The following HCN1 variants were observed in gnomAD, a reference collection of about 807,000 sequenced individuals.
The protein encoded by HCN1 is hyperpolarization activated cyclic nucleotide gated potassium channel 1, also known as potassium/sodium hyperpolarization-activated cyclic nucleotide-gated channel 1.
Under a neutral mutation model 78.9 loss-of-function variants are expected in HCN1, and 13 were observed. The observed-to-expected ratio is 0.16, with a 90% CI of 0.11 to 0.26. HCN1 has a LOEUF of 0.26. Among genes scored for constraint, HCN1 ranks in the 10% least tolerant of loss-of-function variants. HCN1 has a pLI of 1.00. For synonymous variants in HCN1, 552 were observed against 455.5 expected, an observed-to-expected ratio of 1.21 and a Z score of -2.70; for missense variants, 810 against 1,154.3, an observed-to-expected ratio of 0.70 and a Z score of 4.32.
At chr5:45,406,157 C>T (rs1303829986) in intron 3 of HCN1, among the ~76,000 whole-genome samples, 4 of 151,872 alleles carry the variant, frequency 2.6e-5, no homozygotes, top group African/African-American at 9.7e-5. Context: ...AAAACAGGCC[C>T]CAAATTTGAC....
At chr5:45,387,966 T>G (rs978345818) in intron 4 of HCN1, among the ~76,000 whole-genome samples, 11 of 152,170 alleles carry the variant, frequency 7.2e-5, no homozygotes, top group African/African-American at 1.7e-4. Flanking sequence ...AACTTTCCAT[T>G]TGATATTTTT....
At chr5:45,652,318 T>C (rs750581582) in intron 1 of HCN1, among the ~76,000 whole-genome samples, 2 of 151,878 alleles carry the variant, frequency 1.3e-5, no homozygotes, top group Non-Finnish European at 1.5e-5. Flanking sequence ...CTTGAAACTC[T>C]CCCAAAGCTT....
At chr5:45,614,553 A>G (rs1173621371) in intron 2 of HCN1, among the ~76,000 whole-genome samples, 1 of 152,088 alleles carries the variant, frequency 6.6e-6, no homozygotes, top group Non-Finnish European at 1.5e-5. Context: ...AAGTTACCTC[A>G]GGCTTTTTTG....
chr5:45,622,369 C>T (rs1020303728), intron 2 of HCN1, among the ~76,000 whole-genome samples: 4 of 152,130 alleles, frequency 2.6e-5, no homozygotes, highest in Non-Finnish European at 4.4e-5. Flanking sequence ...GCTTTAAAAA[C>T]TGTTGCTCAC....
intron 5 of HCN1, among the ~76,000 whole-genome samples, chr5:45,317,897 T>G (rs1332129307): frequency 4.6e-5 from 7 of 152,084 alleles, no homozygotes; most frequent in Non-Finnish European, 8.8e-5. Context: ...ATGGCGATCA[T>G]TAAAAAGTCA....
chr5:45,657,888 T>C (rs1442126060), intron 1 of HCN1, among the ~76,000 whole-genome samples: 1 of 152,202 alleles, frequency 6.6e-6, no homozygotes, highest in Admixed American at 6.5e-5. Flanking sequence ...TGGAAAAAAC[T>C]ACTTTAAAGT....
Position 45,613,823 on chromosome 5 carries a change from A to G in HCN1, c.849+31362T>C, listed in dbSNP as rs183017770. ...GTAAAATTAGAAAAAAAAACTTGCC[A>G]TATCAATAGTCATCACCAAATTAGT... On this transcript the variant is annotated intron_variant, in intron 2 of 7. Transcript: ENST00000303230. Among the ~76,000 whole-genome samples, 5 of 152,270 alleles carry G rather than the reference A, an allele frequency of 3.3e-5. No homozygotes were observed. The South Asian group carries it at 1.0e-3, about 32-fold the overall frequency.
chr5:45,483,620 T>A (rs1259650597), intron 2 of HCN1, among the ~76,000 whole-genome samples: 2 of 152,172 alleles, frequency 1.3e-5, no homozygotes, highest in Non-Finnish European at 2.9e-5. Flanking sequence ...AGCTCTTTAG[T>A]TTAATTAGGT....
intron 4 of HCN1, among the ~76,000 whole-genome samples, chr5:45,376,813 T>C (rs986408473): frequency 6.6e-6 from 1 of 151,980 alleles, no homozygotes; most frequent in Non-Finnish European, 1.5e-5. Flanking sequence ...TTCTGTGAAT[T>C]ATCTGTCATA....
chr5:45,614,436 G>C (rs934495676), intron 2 of HCN1, among the ~76,000 whole-genome samples: 1 of 152,070 alleles, frequency 6.6e-6, no homozygotes, highest in South Asian at 2.1e-4. Flanking sequence ...TTGTAATGCT[G>C]GTGGCAGGTC....
chr5:45,694,787 G>A (rs1004231230), intron 1 of HCN1, among the ~76,000 whole-genome samples: 1 of 152,170 alleles, frequency 6.6e-6, no homozygotes. Context: ...ATCACCGAAC[G>A]AATACTTGAG....
At chr5:45,291,628 T>G (rs6876408) in intron 6 of HCN1, among the ~76,000 whole-genome samples, 7,018 of 152,094 alleles carry the variant, frequency 0.046, 574 homozygotes, top group African/African-American at 0.16. Flanking sequence ...CGTTGCAACC[T>G]CCATCTCCTC....
At chr5:45,263,841 G>A (rs553925851) in intron 7 of HCN1, among the ~76,000 whole-genome samples, 1 of 152,186 alleles carries the variant, frequency 6.6e-6, no homozygotes, top group Non-Finnish European at 1.5e-5. Context: ...TGCCCAGGCT[G>A]GAGTTGCAGT....
Position 45,346,795 on chromosome 5 carries a change from A to G in HCN1, c.1377+6305T>C, listed in dbSNP as rs187712568. Reference sequence around the variant, plus strand: ...GCAATCTGAGATCAAACTGCAAGGCAGCAGCGAGGCTGCGGGAGGGGCACC... The same window carrying G: ...GCAATCTGAGATCAAACTGCAAGGCGGCAGCGAGGCTGCGGGAGGGGCACC... On this transcript the variant is annotated intron_variant, in intron 5 of 7. Coordinates refer to ENST00000303230, the MANE Select transcript of HCN1 (RefSeq NM_021072.4). 7.1e-4 allele frequency among the ~76,000 whole-genome samples: 108 copies of G among 152,342 alleles called. 1 individual carries two copies. In the East Asian group the frequency reaches 0.012, roughly 17 times the overall value.
Position 45,527,283 on chromosome 5 carries a change from T to C in HCN1, c.850-65276A>G, listed in dbSNP as rs1177099507. Among the ~76,000 whole-genome samples, 2 of 137,210 alleles carry C rather than the reference T, an allele frequency of 1.5e-5. 1 individual carries two copies. Among genetic ancestry groups the C allele is most frequent in the African/African-American group, 5.5e-5 (2 of 36,568 alleles). The allele number at this position is 137,210 out of a possible 152,430, so 90.0% of individuals were successfully genotyped here. ...TGCATGGCGTATAGTACAGAGTCAA[T>C]AAATGTTTAGTGGTTTAAATTTCTG... On this transcript the variant is annotated intron_variant, in intron 2 of 7. Coordinates refer to ENST00000303230, the MANE Select transcript of HCN1 (RefSeq NM_021072.4).
chr5:45,563,211 A>G (rs1246182267), intron 2 of HCN1, among the ~76,000 whole-genome samples: 1 of 152,150 alleles, frequency 6.6e-6, no homozygotes, highest in African/African-American at 2.4e-5. Context: ...GCACTTTGGG[A>G]GGCCGAGGTG....
intron 3 of HCN1, among the ~76,000 whole-genome samples, chr5:45,417,960 T>G (rs1309467652): frequency 6.6e-6 from 1 of 151,840 alleles, no homozygotes; most frequent in Non-Finnish European, 1.5e-5. Flanking sequence ...ATATATATTT[T>G]TACAAAGTAA....
At position 45,695,868 on chromosome 5, in the gene HCN1, C is replaced by CGCCG; in HGVS notation, c.225_226insCGGC (p.Glu76ArgfsTer54). On this transcript the variant is annotated frameshift_variant, in exon 1 of 8. Transcript: ENST00000303230. LOFTEE classifies it high-confidence loss of function. ...GCGTCTTCGAAGCCCCCCGCCGGCT[C>CGCCG]CTCGCCGCCGCCGCCGCCGCCGCCA... The CGCCG allele has an allele frequency of 6.3e-7, 1 of 1,575,232 alleles. No individual in the cohort carries two copies.
chr5:45,579,798 G>A (rs1478748512), intron 2 of HCN1, among the ~76,000 whole-genome samples: 1 of 152,056 alleles, frequency 6.6e-6, no homozygotes, highest in African/African-American at 2.4e-5. Context: ...AAGAAAAGAT[G>A]ATGGTCTTTG....
Sources: gnomAD v4.1 joint callset for allele counts (sites outside exome capture counted in the v4.1 genomes callset) on GRCh38, gnomAD v4.1.1 for gene constraint, MANE v1.5 for transcripts, NCBI Gene and HGNC (gene_info 2026-07-23, HGNC 2026-07-21) for gene names.